The following EVL variants were observed in gnomAD, a reference collection of about 807,000 sequenced individuals.
EVL encodes ena/VASP-like protein.
EVL carries 21 observed loss-of-function variants against 59.6 expected under a neutral mutation model. The observed-to-expected ratio is 0.35, with a 90% CI of 0.25 to 0.51. EVL has a LOEUF of 0.51. Among genes scored for constraint, EVL ranks in the 20% least tolerant of loss-of-function variants. The probability of loss-of-function intolerance (pLI) is 0.97; values close to 1 mark genes in which losing one functional copy is unlikely to be tolerated. For synonymous variants in EVL, 198 were observed against 203.5 expected (o/e 0.97, Z 0.23); for missense variants, 462 against 546.6 (o/e 0.85, Z 1.54).
intron 7 of EVL, among the ~76,000 whole-genome samples, chr14:100,132,026 A>T (rs1888467396): frequency 6.6e-6 from 1 of 152,074 alleles, no homozygotes. Context: ...TTGAAAAGCC[A>T]CAGAAGCGTA....
rs140803854 is a variant in EVL, at chr14:100,124,108, C to T, written c.422+506C>T. Among the ~76,000 whole-genome samples, 652 of 152,328 alleles carry T rather than the reference C, an allele frequency of 4.3e-3. 6 individuals are homozygous for T. The highest frequency in any genetic ancestry group is 0.014 in the African/African-American group (588 of 41,568). On this transcript the variant is annotated intron_variant, in intron 4 of 13. Coordinates refer to ENST00000392920, the MANE Select transcript of EVL (RefSeq NM_016337.3). The stretch of plus-strand genomic sequence containing the variant: ...CCGAAATTACAGAGTCGTGGTGAGT[C>T]CCCATGGAGCAGCCTCCCAAGGTCA...
At chr14:100,061,982 G>C (rs887936008), upstream of EVL, among the ~76,000 whole-genome samples, 2 of 151,928 alleles carry the variant, frequency 1.3e-5, no homozygotes, top group African/African-American at 4.8e-5. Context: ...TGTGCAAGTG[G>C]ACCTGGGTCA....
chr14:100,010,371 G>A (rs1186494995), intron 1 of EVL, among the ~76,000 whole-genome samples: 1 of 152,106 alleles, frequency 6.6e-6, no homozygotes, highest in Non-Finnish European at 1.5e-5. Context: ...TCAGAACTTG[G>A]TCGTCATTAT....
At chr14:100,069,326 T>C (rs2062000623) in intron 1 of EVL, among the ~76,000 whole-genome samples, 1 of 152,196 alleles carries the variant, frequency 6.6e-6, no homozygotes, top group South Asian at 2.1e-4. Context: ...GCACAGTCAT[T>C]ACTGTTTATT....
rs763957293 is a variant in EVL at position 100,109,699 on chromosome 14, A to C, written c.358+12041A>C. 1.9e-6 allele frequency: 1 copy of C among 532,560 alleles called. No individual in the cohort carries two copies. Among genetic ancestry groups the C allele is most frequent in the African/African-American group, 1.9e-5 (1 of 51,956 alleles). The allele number at this position is 532,560 out of a possible 1,614,324, so 33.0% of individuals were successfully genotyped here. On this transcript the variant is annotated intron_variant, in intron 3 of 13. Coordinates refer to ENST00000392920, the MANE Select transcript of EVL (RefSeq NM_016337.3). This position sits in a 1 kb window ranked among gnomAD's most constrained non-coding sequence, Gnocchi z 4.3. Reference sequence around the variant, plus strand: ...GGGGTGCTATCTGTGATTGAGGGACATGGTTAATGGAATTGTCTCACACAG... The same window carrying C: ...GGGGTGCTATCTGTGATTGAGGGACCTGGTTAATGGAATTGTCTCACACAG...
chr14:100,079,797 T>A (rs1387045794), intron 1 of EVL, among the ~76,000 whole-genome samples: 1 of 151,660 alleles, frequency 6.6e-6, no homozygotes, highest in Admixed American at 6.6e-5. Flanking sequence ...GGAGCAAGAG[T>A]CCAGGGGCAC....
intron 8 of EVL, 195 bp from the exon 9 acceptor site, chr14:100,135,710 T>G: frequency 3.6e-6 from 2 of 557,724 alleles, no homozygotes; most frequent in South Asian, 4.2e-5. Context: ...TCCCCAGCTT[T>G]GTCCACTGGC....
At position 100,109,434 on chromosome 14, in the gene EVL, G is replaced by C. The variant is rs962702855; in HGVS notation, c.358+11776G>C. On this transcript the variant is annotated intron_variant, in intron 3 of 13. Transcript: ENST00000392920. The surrounding 1 kb of genome is among the most constrained non-coding windows in gnomAD (Gnocchi z 4.3). ...ATTTGTTTGGACCCTGGGTTTGTTT[G>C]TCTAGACTGTGAGCTCCTCGAGGGC... is the stretch of plus-strand genomic sequence containing the variant. The C allele has an allele frequency of 5.2e-6, 2 of 383,602 alleles. No individual in the cohort carries two copies. The highest frequency in any genetic ancestry group is 1.9e-5 in the South Asian group (1 of 52,130). The allele number at this position is 383,602 out of a possible 1,614,324, so 23.8% of individuals were successfully genotyped here. A position where few individuals can be genotyped will look rare whatever the true frequency, so the allele number is the denominator to read the frequency against.
chr14:100,132,188 G>T (rs1183381406), intron 7 of EVL, among the ~76,000 whole-genome samples: 1 of 151,104 alleles, frequency 6.6e-6, no homozygotes, highest in African/African-American at 2.4e-5. Flanking sequence ...GGCGTCACGT[G>T]GACCTATTCC....
At chr14:99,995,825 AC>A (rs984874371) in intron 1 of EVL, among the ~76,000 whole-genome samples, 1 of 151,968 alleles carries the variant, frequency 6.6e-6, no homozygotes, top group African/African-American at 2.4e-5. Flanking sequence ...TGCATGTAAT[AC>A]CCTAGTTGAG....
chr14:100,084,310 G>A (rs2062385891), intron 1 of EVL, among the ~76,000 whole-genome samples: 2 of 152,122 alleles, frequency 1.3e-5, no homozygotes, highest in South Asian at 4.1e-4. Flanking sequence ...CTCCCAAAGT[G>A]TTGAGATTAC....
At chr14:100,061,460 C>CA (rs869039779), upstream of EVL, among the ~76,000 whole-genome samples, 1,329 of 64,516 alleles carry the variant, frequency 0.021, 24 homozygotes, top group East Asian at 0.053. Context: ...CCTCAGGCTG[C>CA]AAAAAAAAAA....
rs1240475909 is a variant in EVL, at chr14:100,114,411, C to T, written c.359-9128C>T. On this transcript the variant is annotated intron_variant, in intron 3 of 13. Coordinates refer to ENST00000392920, the MANE Select transcript of EVL (RefSeq NM_016337.3). The surrounding 1 kb of genome is among the most constrained non-coding windows in gnomAD (Gnocchi z 5.0). ...ACCAAGGCCTGTGAGCTGAGCCCCA[C>T]AAGGGGTCTGGACAGTCCTCCAGGG... The T allele has an allele frequency of 6.6e-6, 1 of 152,380 alleles. No homozygotes were observed. Among genetic ancestry groups the T allele is most frequent in the East Asian group, 1.9e-4 (1 of 5,164 alleles). 9.4% of individuals were successfully genotyped at this position (152,380 alleles called of 1,614,324 possible).
intron 1 of EVL, among the ~76,000 whole-genome samples, chr14:100,044,243 G>A (rs1453196599): frequency 3.3e-5 from 5 of 152,188 alleles, no homozygotes; most frequent in African/African-American, 7.2e-5. Flanking sequence ...GTGAACCTGC[G>A]TAGCATAGTT....
chr14:100,047,753 G>A lies in EVL; in HGVS notation c.6-36934G>A, dbSNP rs757809683. Among the ~76,000 whole-genome samples the A allele has an allele frequency of 2.0e-4, 30 of 152,250 alleles. 1 individual carries two copies. In the Middle Eastern group the frequency reaches 0.01, roughly 52 times the overall value. On this transcript the variant is annotated intron_variant, in intron 1 of 13. Coordinates refer to the EVL transcript ENST00000402714. ...ATTATTCAGATTGTGAGTTAGCCTG[G>A]TGTTTTTACAAGTTACCCTACAGAG...
At chr14:100,116,837 G>T (rs1887380697) in intron 3 of EVL, among the ~76,000 whole-genome samples, 1 of 152,224 alleles carries the variant, frequency 6.6e-6, no homozygotes, top group Non-Finnish European at 1.5e-5. Context: ...CTTTAGAGTT[G>T]TAGAAATTTG....
intron 4 of EVL, among the ~76,000 whole-genome samples, chr14:100,125,576 G>C (rs1209462164): frequency 1.3e-5 from 2 of 149,232 alleles, no homozygotes; most frequent in African/African-American, 5.0e-5. Context: ...TTTTTTTTGA[G>C]ATGGAGTCTT....
intron 1 of EVL, among the ~76,000 whole-genome samples, chr14:100,005,892 C>T (rs1238692955): frequency 1.3e-5 from 2 of 151,874 alleles, no homozygotes; most frequent in African/African-American, 4.8e-5. Flanking sequence ...CAGCATGGGG[C>T]GACAGCCATC....
Position 100,079,639 on chromosome 14 carries a change from G to A in EVL, c.12-5048G>A, listed in dbSNP as rs183526031. On this transcript the variant is annotated intron_variant, in intron 1 of 13. Coordinates refer to ENST00000392920, the MANE Select transcript of EVL (RefSeq NM_016337.3). ...TTTCCCAAAAAACCTCTTGTGGTTA[G>A]CCTCGTTCCTCCCTGTGGACCTTCC... 9.2e-5 allele frequency among the ~76,000 whole-genome samples: 14 copies of A among 152,322 alleles called. No homozygotes were observed. In the East Asian group the frequency reaches 1.5e-3, roughly 17 times the overall value.
Sources: gnomAD v4.1 joint callset for allele counts (sites outside exome capture counted in the v4.1 genomes callset) on GRCh38, gnomAD v4.1.1 for gene constraint, Gnocchi (gnomAD v3.1) non-coding constraint, MANE v1.5 for transcripts, NCBI Gene and HGNC (gene_info 2026-07-23, HGNC 2026-07-21) for gene names.